The following FCRL3 variants were observed in gnomAD, a reference collection of about 807,000 sequenced individuals.
FCRL3 encodes the protein Fc receptor like 3.
In FCRL3, 89 loss-of-function variants were observed where a neutral mutation model predicts 75.0. The ratio of observed to expected loss-of-function variants is 1.19; its 90% CI spans 1.00 to 1.42. The LOEUF is 1.42. FCRL3 is among the 40% of genes most tolerant of loss of function. The pLI, the probability that FCRL3 is intolerant of heterozygous loss-of-function variation, is 0.00. For missense variants in FCRL3, 946 were observed against 880.0 expected (o/e 1.07, Z -0.95); for synonymous variants, 376 against 348.5 (o/e 1.08, Z -0.88).
rs1449711576 is a variant in FCRL3 at position 157,677,298 on chromosome 1, G to A, written c.*1412C>T. Reference sequence around the variant, plus strand: ...ACCCTGTAGTGTATCTCCAGAAATGGTGATTGTTTGAATGCATGTAAGACA... The same window carrying A: ...ACCCTGTAGTGTATCTCCAGAAATGATGATTGTTTGAATGCATGTAAGACA... On this transcript the variant is annotated 3_prime_UTR_variant, in exon 15 of 15. Transcript: ENST00000368184. 1 of 988,170 alleles carries A rather than the reference G, an allele frequency of 1.0e-6. No homozygotes were observed. Among genetic ancestry groups the A allele is most frequent in the Non-Finnish European group, 1.2e-6 (1 of 831,572 alleles). The allele number at this position is 988,170 out of a possible 1,614,324, so 61.2% of individuals were successfully genotyped here.
At chr1:157,691,867 G>T (rs1655565526) in intron 8 of FCRL3, 1 of 152,146 alleles carries the variant, frequency 6.6e-6, no homozygotes, top group African/African-American at 2.4e-5. Context: ...AAAAGACCAT[G>T]GTTATTGTCA....
intron 8 of FCRL3, among the ~76,000 whole-genome samples, chr1:157,692,903 T>C (rs965788452): frequency 2.0e-5 from 3 of 152,206 alleles, no homozygotes; most frequent in African/African-American, 4.8e-5. Context: ...ATGTCAACTT[T>C]AAAAATTTAT....
Position 157,678,473 on chromosome 1 carries a change from G to T in FCRL3, c.*237C>A. 7.3e-7 allele frequency: 1 copy of T among 1,370,194 alleles called. No individual in the cohort carries two copies. Among genetic ancestry groups the T allele is most frequent in the African/African-American group, 1.5e-5 (1 of 68,530 alleles). 84.9% of individuals were successfully genotyped at this position (1,370,194 alleles called of 1,614,324 possible). A position where few individuals can be genotyped will look rare whatever the true frequency, so the allele number is the denominator to read the frequency against. On this transcript the variant is annotated 3_prime_UTR_variant, in exon 15 of 15. Coordinates refer to ENST00000368184, the MANE Select transcript of FCRL3 (RefSeq NM_052939.4). ...TAGGAGCTGAGGGCCCTCCTGCCTT[G>T]CCACGTGTCTCCACTGTGAAAATAA... is the stretch of plus-strand genomic sequence containing the variant.
chr1:157,697,647 T>C lies in FCRL3; in HGVS notation c.559+12A>G. 6.2e-7 allele frequency: 1 copy of C among 1,609,368 alleles called. No individual in the cohort carries two copies. The highest frequency in any genetic ancestry group is 8.5e-7 in the Non-Finnish European group (1 of 1,177,892). On this transcript the variant is annotated intron_variant, in intron 5 of 14. Transcript: ENST00000368184. Reference sequence around the variant, plus strand: ...TAACAAACCCAGTAATCCACAGGAATCTAGCCATTACCTTGAACTTGGATA... The same window carrying C: ...TAACAAACCCAGTAATCCACAGGAACCTAGCCATTACCTTGAACTTGGATA...
At chr1:157,693,742 C>CTTTCTTTCTT (rs60073504) in intron 8 of FCRL3, among the ~76,000 whole-genome samples, 2 of 147,598 alleles carry the variant, frequency 1.4e-5, no homozygotes, top group Non-Finnish European at 3.0e-5. Flanking sequence ...CTCTCTCTCT[C>CTTTCTTTCTT]TCTTTCTTTC....
At chr1:157,687,185 A>T (rs758259279) in intron 10 of FCRL3, among the ~76,000 whole-genome samples, 1 of 151,692 alleles carries the variant, frequency 6.6e-6, no homozygotes, top group Non-Finnish European at 1.5e-5. Context: ...ACATAAAAAA[A>T]TGCTCAACAT....
At position 157,697,669 on chromosome 1, in the gene FCRL3, G is replaced by A; in HGVS notation, c.549C>T (p.Ile183=). 1 of 1,613,122 alleles carries A rather than the reference G, an allele frequency of 6.2e-7. No individual in the cohort carries two copies. The highest frequency in any genetic ancestry group is 8.5e-7 in the Non-Finnish European group (1 of 1,179,664). The change falls in exon 5 of 15, where the codon ATC becomes ATT. Residue 183 remains isoleucine (I), a synonymous_variant. Coordinates refer to ENST00000368184, the MANE Select transcript of FCRL3 (RefSeq NM_052939.4). The part of the protein sequence containing the change: ...DIEVTSKPLN[I]QVQELFLHPV... The stretch of plus-strand genomic sequence containing the variant: ...GAATCTAGCCATTACCTTGAACTTG[G>A]ATATTTAGGGGTTTTGAAGTTACTT...
chr1:157,698,944 A>G (rs990162225), intron 3 of FCRL3, among the ~76,000 whole-genome samples: 6 of 152,224 alleles, frequency 3.9e-5, no homozygotes, highest in Non-Finnish European at 8.8e-5. Flanking sequence ...GCTGATCCTG[A>G]AATTCTCTTG....
rs757010354 is a variant in FCRL3, at chr1:157,690,511, G to A, written c.1434C>T (p.Leu478=). The A allele has an allele frequency of 1.2e-6, 2 of 1,614,242 alleles. No homozygotes were observed. Among genetic ancestry groups the A allele is most frequent in the Non-Finnish European group, 1.7e-6 (2 of 1,180,034 alleles). The change falls in exon 9 of 15, where the codon CTC becomes CTT. Residue 478 remains leucine (L), a synonymous_variant. Coordinates refer to ENST00000368184, the MANE Select transcript of FCRL3 (RefSeq NM_052939.4). The part of the protein sequence containing the change: ...RVTVPVSRPV[L]TLRAPGAQAV... ...CCTGGGCCCCGGGAGCCCTGAGGGT[G>A]AGGACGGGGCGAGACACCGGAACTG...
At chr1:157,695,994 A>T in intron 7 of FCRL3, 46 bp downstream of exon 7, 1 of 1,529,698 alleles carries the variant, frequency 6.5e-7, no homozygotes, top group Non-Finnish European at 8.8e-7. Context: ...GAGAACCTAA[A>T]CCCTGGCTTG....
chr1:157,683,805 C>T (rs1161380772), intron 10 of FCRL3, among the ~76,000 whole-genome samples: 1 of 152,180 alleles, frequency 6.6e-6, no homozygotes, highest in Non-Finnish European at 1.5e-5. Context: ...CCTTCTCTTT[C>T]ACTTGGCTAG....
chr1:157,682,058 T>A (rs573259319), intron 11 of FCRL3, among the ~76,000 whole-genome samples: 198 of 152,276 alleles, frequency 1.3e-3, no homozygotes, highest in African/African-American at 4.3e-3. Flanking sequence ...GAAGTGTCTG[T>A]TCATATCCTT....
chr1:157,682,758 C>T (rs1654928944), intron 11 of FCRL3, among the ~76,000 whole-genome samples: 1 of 152,132 alleles, frequency 6.6e-6, no homozygotes, highest in African/African-American at 2.4e-5. Flanking sequence ...AATAATCTAC[C>T]TTTCCTGCAA....
At chr1:157,693,559 A>T (rs891549022) in intron 8 of FCRL3, among the ~76,000 whole-genome samples, 1 of 152,200 alleles carries the variant, frequency 6.6e-6, no homozygotes, top group Non-Finnish European at 1.5e-5. Flanking sequence ...ACCAAACCTC[A>T]AATAATTGTA....
intron 10 of FCRL3, among the ~76,000 whole-genome samples, chr1:157,686,604 G>A (rs1571199041): frequency 6.6e-6 from 1 of 151,974 alleles, no homozygotes; most frequent in East Asian, 1.9e-4. Flanking sequence ...TAGACCAACG[G>A]AATGGAATAG....
chr1:157,693,710 C>T (rs531259978), intron 8 of FCRL3, among the ~76,000 whole-genome samples: 24 of 149,814 alleles, frequency 1.6e-4, no homozygotes, highest in South Asian at 8.6e-4. Flanking sequence ...CTTCCTTCCT[C>T]CCTTCCTTCC....
At chr1:157,698,902 T>C (rs1307608632) in intron 3 of FCRL3, among the ~76,000 whole-genome samples, 1 of 152,222 alleles carries the variant, frequency 6.6e-6, no homozygotes, top group Non-Finnish European at 1.5e-5. Context: ...TGATTTGCCA[T>C]TGGGCAAAAA....
chr1:157,695,819 C>CAAGTGAGAAGAAGTAAGAA, intron 7 of FCRL3: 1 of 707,814 alleles, frequency 1.4e-6, no homozygotes, highest in African/African-American at 1.8e-5. Flanking sequence ...ACTCAGTCTT[C>CAAGTGAGAAGAAGTAAGAA]CCCGCAAGAA....
intron 7 of FCRL3, 171 bp downstream of exon 7, chr1:157,695,869 T>C: frequency 1.4e-6 from 1 of 712,184 alleles, no homozygotes; most frequent in Non-Finnish European, 2.3e-6. Context: ...TTCCATTTCT[T>C]GGATAGCTTT....
Sources: allele counts gnomAD v4.1 joint callset (sites outside exome capture counted in the v4.1 genomes callset), GRCh38; gene constraint gnomAD v4.1.1; transcripts MANE v1.5; gene names NCBI Gene and HGNC (gene_info 2026-07-23, HGNC 2026-07-21).